Variants in IQGAP2 observed in about 807,000 individuals in gnomAD.
The protein encoded by IQGAP2 is IQ motif containing GTPase activating protein 2, also known as ras GTPase-activating-like protein IQGAP2.
IQGAP2 carries 173 observed loss-of-function variants against 201.3 expected under a neutral mutation model. That is an observed-to-expected ratio of 0.86 (90% CI 0.76 to 0.98). The LOEUF (loss-of-function observed/expected upper bound fraction) is 0.98, where lower values mean the gene tolerates loss of function less well. Ranked by LOEUF, IQGAP2 falls within the 50% of genes least tolerant of loss-of-function variation. The probability of loss-of-function intolerance (pLI) is 0.00; values close to 1 mark genes in which losing one functional copy is unlikely to be tolerated. For synonymous variants in IQGAP2, 675 were observed against 673.9 expected (o/e 1.00, Z -0.03); for missense variants, 1,687 against 1,864.8 (o/e 0.90, Z 1.76).
chr5:76,482,726 T>A (rs1755862422), intron 2 of IQGAP2, among the ~76,000 whole-genome samples: 1 of 152,218 alleles, frequency 6.6e-6, no homozygotes, highest in Admixed American at 6.5e-5. Context: ...AGCCCCTTGG[T>A]TATCAGAGCA....
chr5:76,653,950 C>T (rs1197819230), intron 18 of IQGAP2, among the ~76,000 whole-genome samples: 1 of 152,148 alleles, frequency 6.6e-6, no homozygotes, highest in Non-Finnish European at 1.5e-5. Context: ...ATTATTTTCC[C>T]CACTTCTCTC....
chr5:76,659,052 A>G (rs1162395586), intron 21 of IQGAP2, among the ~76,000 whole-genome samples: 3 of 152,158 alleles, frequency 2.0e-5, no homozygotes, highest in African/African-American at 7.2e-5. Context: ...CTGAAACATT[A>G]TGTTGTTTGT....
intron 15 of IQGAP2, 41 bp downstream of exon 15, chr5:76,632,067 A>T: frequency 6.8e-7 from 1 of 1,464,714 alleles, no homozygotes; most frequent in East Asian, 2.4e-5. Context: ...AAGTATTTTA[A>T]ATATCATTTC....
intron 8 of IQGAP2, among the ~76,000 whole-genome samples, chr5:76,591,833 T>C (rs3797378): frequency 0.26 from 40,192 of 152,096 alleles, 6,061 homozygotes; most frequent in East Asian, 0.48. Context: ...CAGATAACTT[T>C]GTCTGTGTCC....
At chr5:76,644,866 T>C (rs1407457660) in intron 17 of IQGAP2, among the ~76,000 whole-genome samples, 1 of 152,170 alleles carries the variant, frequency 6.6e-6, no homozygotes, top group Non-Finnish European at 1.5e-5. Context: ...CTTTTATTAT[T>C]ATGCTTTAAG....
intron 2 of IQGAP2, among the ~76,000 whole-genome samples, chr5:76,496,733 C>CTTTCTTTCTTTCTTTCT (rs1756946841): frequency 2.7e-5 from 1 of 37,642 alleles, no homozygotes; most frequent in African/African-American, 1.5e-4. Context: ...TCTTTTCTTT[C>CTTTCTTTCTTTCTTTCT]TTTCTTTCTT....
intron 24 of IQGAP2, among the ~76,000 whole-genome samples, chr5:76,673,212 C>T (rs1311588091): frequency 6.6e-6 from 1 of 152,174 alleles, no homozygotes; most frequent in East Asian, 1.9e-4. Context: ...TTACCTGGGT[C>T]TGCCTCTTAT....
intron 35 of IQGAP2, among the ~76,000 whole-genome samples, chr5:76,704,586 TG>T: frequency 6.6e-6 from 1 of 152,346 alleles, no homozygotes; most frequent in African/African-American, 2.4e-5. Flanking sequence ...TAATCAGAAC[TG>T]GCTACATCCT....
chr5:76,537,529 A>G (rs1759695728), intron 2 of IQGAP2, among the ~76,000 whole-genome samples: 1 of 152,086 alleles, frequency 6.6e-6, no homozygotes, highest in Non-Finnish European at 1.5e-5. Flanking sequence ...TTTCTGCTAA[A>G]GGTCAGACTG....
At chr5:76,550,485 G>A (rs1406220777) in intron 2 of IQGAP2, among the ~76,000 whole-genome samples, 1 of 151,870 alleles carries the variant, frequency 6.6e-6, no homozygotes, top group Non-Finnish European at 1.5e-5. Context: ...GTTTTCCTAG[G>A]CAGAGGACCC....
chr5:76,488,362 A>T (rs1490630996), intron 2 of IQGAP2, among the ~76,000 whole-genome samples: 1 of 152,178 alleles, frequency 6.6e-6, no homozygotes, highest in Non-Finnish European at 1.5e-5. Flanking sequence ...TTATAGATTA[A>T]ATATTCTTTT....
At chr5:76,654,599 A>G (rs530602501) in intron 19 of IQGAP2, among the ~76,000 whole-genome samples, 1 of 152,254 alleles carries the variant, frequency 6.6e-6, no homozygotes, top group Non-Finnish European at 1.5e-5. Flanking sequence ...TACTTTAAAT[A>G]GAAGCCCCTG....
rs777752382 is a variant in IQGAP2 at position 76,461,662 on chromosome 5, G to A, written c.139G>A (p.Ala47Thr). 3.1e-6 allele frequency: 5 copies of A among 1,610,632 alleles called. No individual in the cohort carries two copies. In the South Asian group the frequency reaches 5.5e-5, roughly 18 times the overall value. Residue 47 changes from alanine to threonine, a missense_variant, in exon 2 of 36, where the codon GCC (alanine) becomes ACC (threonine). Transcript: ENST00000274364. ...TGAATATCTGTGCCACTTAGAGGAA[G>A]CCAAAAGGTAAGATCCAGACTTAGT... ...AYEYLCHLEE[A>T]KRWMEVCLVE...
chr5:76,582,786 T>A (rs983472463), intron 5 of IQGAP2, among the ~76,000 whole-genome samples: 13 of 151,814 alleles, frequency 8.6e-5, no homozygotes, highest in African/African-American at 2.9e-4. Flanking sequence ...AGATAACAAC[T>A]ACTACTACTA....
chr5:76,637,185 T>C lies in IQGAP2; in HGVS notation c.1923+9T>C. The C allele has an allele frequency of 6.3e-7, 1 of 1,595,148 alleles. No individual in the cohort carries two copies. Among genetic ancestry groups the C allele is most frequent in the South Asian group, 1.1e-5 (1 of 87,342 alleles). On this transcript the variant is annotated intron_variant, in intron 16 of 35. Transcript: ENST00000274364. ...CAGGAAAAGAAATCGAGGTAGGAGGTTGGTGTTTGATGGATAACTCTACTG... is the reference window on the plus strand; with the variant it reads ...CAGGAAAAGAAATCGAGGTAGGAGGCTGGTGTTTGATGGATAACTCTACTG...
chr5:76,427,138 G>A (rs1018792818), intron 1 of IQGAP2, among the ~76,000 whole-genome samples: 4 of 152,074 alleles, frequency 2.6e-5, no homozygotes, highest in Non-Finnish European at 5.9e-5. Flanking sequence ...AGGATGTTTA[G>A]TATCATCCCT....
rs1023518470 is a variant in IQGAP2 at position 76,572,591 on chromosome 5, C to T, written c.381+1934C>T. On this transcript the variant is annotated intron_variant, in intron 4 of 35. Transcript: ENST00000274364. Reference sequence around the variant, plus strand: ...TAGCTGGGGTTACAGGTGGGCACCACCACACCTGGCTATTTTTTGTATTTT... The same window carrying T: ...TAGCTGGGGTTACAGGTGGGCACCATCACACCTGGCTATTTTTTGTATTTT... 3.3e-5 allele frequency among the ~76,000 whole-genome samples: 5 copies of T among 152,076 alleles called. No individual in the cohort carries two copies. The East Asian group carries it at 9.7e-4, about 29-fold the overall frequency.
intron 2 of IQGAP2, among the ~76,000 whole-genome samples, chr5:76,559,364 A>C (rs1279262053): frequency 1.3e-5 from 2 of 152,196 alleles, no homozygotes; most frequent in Non-Finnish European, 2.9e-5. Context: ...TGAGGCGTCC[A>C]TTATACCATA....
At chr5:76,674,758 G>T in intron 27 of IQGAP2, 49 bp downstream of exon 27, 1 of 1,320,132 alleles carries the variant, frequency 7.6e-7, no homozygotes, top group South Asian at 1.2e-5. Context: ...TGGTAGGCAA[G>T]AATAATATGT....
Sources: gnomAD v4.1 joint callset for allele counts (sites outside exome capture counted in the v4.1 genomes callset) on GRCh38, gnomAD v4.1.1 for gene constraint, MANE v1.5 for transcripts, NCBI Gene and HGNC (gene_info 2026-07-23, HGNC 2026-07-21) for gene names.